ST6GALNAC3: variants seen among roughly 807,000 people sequenced by gnomAD.
The protein encoded by ST6GALNAC3 is alpha-N-acetylgalactosaminide alpha-2,6-sialyltransferase 3.
ST6GALNAC3 carries 25 observed loss-of-function variants against 32.7 expected under a neutral mutation model. That is an observed-to-expected ratio of 0.76 (90% CI 0.56 to 1.07). ST6GALNAC3 has a LOEUF of 1.07. Among genes scored for constraint, ST6GALNAC3 ranks in the 50% least tolerant of loss-of-function variants. The pLI is 0.00. For synonymous variants in ST6GALNAC3, 129 were observed against 133.1 expected, an observed-to-expected ratio of 0.97 and a Z score of 0.21; for missense variants, 355 against 382.4, an observed-to-expected ratio of 0.93 and a Z score of 0.60.
Position 76,456,302 on chromosome 1 carries a change from A to G in ST6GALNAC3, c.623+43885A>G, listed in dbSNP as rs534303977. On this transcript the variant is annotated intron_variant, in intron 3 of 4. Coordinates refer to ENST00000328299, the MANE Select transcript of ST6GALNAC3 (RefSeq NM_152996.4). ...ACTCATATATGACAGCTACACTGCT[A>G]CAGATTTATATGGTCTCTTTTTTCG... Among the ~76,000 whole-genome samples the G allele has an allele frequency of 6.6e-5, 10 of 152,320 alleles. No individual in the cohort carries two copies. The South Asian group carries it at 1.9e-3, about 28-fold the overall frequency.
chr1:76,593,560 CA>C (rs1647083182), intron 3 of ST6GALNAC3, among the ~76,000 whole-genome samples: 2 of 152,152 alleles, frequency 1.3e-5, no homozygotes, highest in Admixed American at 1.3e-4. Flanking sequence ...GAGGTTTTAT[CA>C]AGCATCTTTC....
chr1:76,502,822 G>A (rs1056089045), intron 3 of ST6GALNAC3, among the ~76,000 whole-genome samples: 30 of 152,082 alleles, frequency 2.0e-4, no homozygotes, highest in Admixed American at 1.6e-3. Context: ...AGCTCCAAAC[G>A]TACACCTGCC....
chr1:76,543,774 G>A (rs1004376876), intron 3 of ST6GALNAC3, among the ~76,000 whole-genome samples: 4 of 152,104 alleles, frequency 2.6e-5, no homozygotes, highest in South Asian at 2.1e-4. Context: ...GGCTCAAGCC[G>A]ATGTATCTTT....
At chr1:76,449,156 T>C (rs1006038932) in intron 3 of ST6GALNAC3, among the ~76,000 whole-genome samples, 1 of 152,210 alleles carries the variant, frequency 6.6e-6, no homozygotes, top group Non-Finnish European at 1.5e-5. Flanking sequence ...AATGGACTAA[T>C]GCAAACACAC....
intron 2 of ST6GALNAC3, among the ~76,000 whole-genome samples, chr1:76,337,146 A>G (rs1647551378): frequency 6.6e-6 from 1 of 152,188 alleles, no homozygotes; most frequent in Non-Finnish European, 1.5e-5. Context: ...CATTTCTCCT[A>G]GATCCGCCCC....
chr1:76,447,178 T>C (rs1179753955), intron 3 of ST6GALNAC3, among the ~76,000 whole-genome samples: 1 of 152,148 alleles, frequency 6.6e-6, no homozygotes, highest in Non-Finnish European at 1.5e-5. Context: ...GAGGAACTTG[T>C]TGGGAACTGG....
chr1:76,550,881 G>A (rs566583463), intron 3 of ST6GALNAC3, among the ~76,000 whole-genome samples: 7 of 151,996 alleles, frequency 4.6e-5, no homozygotes, highest in African/African-American at 7.2e-5. Context: ...ACAGCCTCCC[G>A]AGTAGCTGGG....
chr1:76,617,948 T>C (rs1474956218), intron 3 of ST6GALNAC3, among the ~76,000 whole-genome samples: 2 of 152,254 alleles, frequency 1.3e-5, no homozygotes, highest in East Asian at 3.8e-4. Flanking sequence ...CATAAAGCTA[T>C]TGTTTGTACA....
chr1:76,186,562 G>A (rs1287218257), intron 1 of ST6GALNAC3, among the ~76,000 whole-genome samples: 1 of 152,140 alleles, frequency 6.6e-6, no homozygotes, highest in Non-Finnish European at 1.5e-5. Context: ...GTAGACAGCC[G>A]AGATAAGGAA....
chr1:76,286,168 C>CTT (rs1659765822), intron 1 of ST6GALNAC3, among the ~76,000 whole-genome samples: 1 of 152,134 alleles, frequency 6.6e-6, no homozygotes, highest in African/African-American at 2.4e-5. Flanking sequence ...ACAGAGGAAA[C>CTT]AGTAAGAGAG....
At chr1:76,530,630 A>C (rs776561521) in intron 3 of ST6GALNAC3, among the ~76,000 whole-genome samples, 10 of 152,206 alleles carry the variant, frequency 6.6e-5, no homozygotes, top group Non-Finnish European at 1.2e-4. Flanking sequence ...CCTTCCAGCC[A>C]TGTGAGCCAA....
chr1:76,329,969 C>A (rs928721915), intron 2 of ST6GALNAC3, among the ~76,000 whole-genome samples: 4 of 151,624 alleles, frequency 2.6e-5, no homozygotes, highest in Non-Finnish European at 5.9e-5. Flanking sequence ...CCACCATGCC[C>A]AGCTAATTTT....
rs80017839 is a variant in ST6GALNAC3, at chr1:76,193,860, C to T, written c.18+118976C>T. On this transcript the variant is annotated intron_variant, in intron 1 of 4. Transcript: ENST00000328299. ...TGGCCTCCTTCTTACTGTATCCTCA[C>T]GTGGTAGAGAGAGAGTGAACAGGTT... Among the ~76,000 whole-genome samples, 1,093 of 152,286 alleles carry T rather than the reference C, an allele frequency of 7.2e-3. 7 individuals carry two copies. Among genetic ancestry groups the T allele is most frequent in the Middle Eastern group, 0.024 (7 of 294 alleles).
chr1:76,160,864 C>T (rs1651760079), intron 1 of ST6GALNAC3, among the ~76,000 whole-genome samples: 1 of 150,618 alleles, frequency 6.6e-6, no homozygotes, highest in Non-Finnish European at 1.5e-5. Flanking sequence ...GTATAATCAA[C>T]ATATCTTACT....
chr1:76,260,472 T>C (rs1444699784), intron 1 of ST6GALNAC3, among the ~76,000 whole-genome samples: 1 of 152,208 alleles, frequency 6.6e-6, no homozygotes, highest in Non-Finnish European at 1.5e-5. Context: ...GCTCAGCACT[T>C]TCCACTATTT....
chr1:76,521,605 T>C (rs1017640206), intron 3 of ST6GALNAC3, among the ~76,000 whole-genome samples: 1 of 152,200 alleles, frequency 6.6e-6, no homozygotes, highest in African/African-American at 2.4e-5. Context: ...TTATGATTGA[T>C]TATGTTATTT....
chr1:76,265,959 A>C (rs1470999793), intron 1 of ST6GALNAC3, among the ~76,000 whole-genome samples: 1 of 152,168 alleles, frequency 6.6e-6, no homozygotes, highest in Non-Finnish European at 1.5e-5. Context: ...AGATGGTCTG[A>C]GGATTATAGT....
At chr1:76,543,830 C>G (rs769104782) in intron 3 of ST6GALNAC3, among the ~76,000 whole-genome samples, 1 of 152,138 alleles carries the variant, frequency 6.6e-6, no homozygotes, top group African/African-American at 2.4e-5. Flanking sequence ...TTTCAAAAAC[C>G]TGGAAAACAA....
intron 1 of ST6GALNAC3, among the ~76,000 whole-genome samples, chr1:76,126,293 T>G (rs1244957987): frequency 6.6e-6 from 1 of 152,180 alleles, no homozygotes; most frequent in Non-Finnish European, 1.5e-5. Flanking sequence ...TCTCATGCAC[T>G]CATTAACCTT....
Sources: gnomAD v4.1 joint callset for allele counts (sites outside exome capture counted in the v4.1 genomes callset) on GRCh38, gnomAD v4.1.1 for gene constraint, MANE v1.5 for transcripts, NCBI Gene and HGNC (gene_info 2026-07-23, HGNC 2026-07-21) for gene names.